The following CAPRIN2 variants were observed in gnomAD, a reference collection of about 807,000 sequenced individuals.
The protein encoded by CAPRIN2 is caprin-2.
CAPRIN2 carries 66 observed loss-of-function variants against 130.4 expected under a neutral mutation model. That is an observed-to-expected ratio of 0.51 (90% CI 0.42 to 0.62). The LOEUF is 0.62. Ranked by LOEUF, CAPRIN2 falls within the 20% of genes least tolerant of loss-of-function variation. The probability of loss-of-function intolerance (pLI) is 0.00; values close to 1 mark genes in which losing one functional copy is unlikely to be tolerated. For missense variants in CAPRIN2, 1,185 were observed against 1,246.6 expected, an observed-to-expected ratio of 0.95 and a Z score of 0.74; for synonymous variants, 471 against 444.1, an observed-to-expected ratio of 1.06 and a Z score of -0.76.
chr12:30,753,396 T>C (rs2074926672), exon 1 of CAPRIN2: 1 of 1,613,650 alleles, frequency 6.2e-7, no homozygotes, highest in African/African-American at 1.3e-5. Flanking sequence ...GAGTCCATTT[T>C]CAATATAGGT....
intron 12 of CAPRIN2, among the ~76,000 whole-genome samples, chr12:30,716,934 G>A (rs1397618382): frequency 6.6e-6 from 1 of 152,166 alleles, no homozygotes; most frequent in African/African-American, 2.4e-5. Flanking sequence ...CAAAAAGACA[G>A]AAAATAAGTG....
intron 6 of CAPRIN2, among the ~76,000 whole-genome samples, chr12:30,730,797 C>T (rs1312585346): frequency 6.6e-6 from 1 of 152,174 alleles, no homozygotes; most frequent in Non-Finnish European, 1.5e-5. Context: ...CAGAACCCTG[C>T]CTGGACTACC....
At chr12:30,714,835 A>C (rs947239577) in intron 14 of CAPRIN2, 124 bp downstream of exon 16, 4 of 665,782 alleles carry the variant, frequency 6.0e-6, no homozygotes, top group Non-Finnish European at 1.0e-5. Flanking sequence ...TATTATCCAC[A>C]AACAGGAAAT....
exon 4 of CAPRIN2, chr12:30,735,027 T>C: frequency 6.2e-7 from 1 of 1,614,174 alleles, no homozygotes; most frequent in Non-Finnish European, 8.5e-7. Flanking sequence ...GGTAGTCAAG[T>C]TCTTTTGAAG....
At chr12:30,711,317 A>T (rs1248873218) in intron 16 of CAPRIN2, among the ~76,000 whole-genome samples, 1 of 152,198 alleles carries the variant, frequency 6.6e-6, no homozygotes, top group Non-Finnish European at 1.5e-5. Context: ...ATAAAGTTAA[A>T]TATGCTCTAG....
At chr12:30,741,131 A>G (rs763015055) in intron 2 of CAPRIN2, 25 bp from the exon 4 acceptor site, 2 of 1,380,256 alleles carry the variant, frequency 1.4e-6, no homozygotes, top group East Asian at 2.3e-5. Flanking sequence ...AAGAAAACAT[A>G]AATTTTGTGA....
chr12:30,715,336 C>T, intron 13 of CAPRIN2, 195 bp from the exon 16 acceptor site: 1 of 649,732 alleles, frequency 1.5e-6, no homozygotes, highest in Non-Finnish European at 2.7e-6. Flanking sequence ...TATTATTCAG[C>T]CTAAAAAAGG....
At chr12:30,748,475 T>C (rs1224507215) in intron 2 of CAPRIN2, among the ~76,000 whole-genome samples, 3 of 152,244 alleles carry the variant, frequency 2.0e-5, no homozygotes, top group South Asian at 2.1e-4. Flanking sequence ...TACCTTCTTT[T>C]TGACACAGTG....
In CAPRIN2 at chr12:30,711,928, ATTT is replaced by A. The variant is rs559491957; in HGVS notation, c.2602-302_2602-300del. ...GATACAATGCTAGGTAATGAGAGAA[ATTT>A]TTAAATGTGGCATGGTCCTCTGTCC... On this transcript the variant is annotated intron_variant, in intron 15 of 16. Coordinates refer to ENST00000298892, the Ensembl canonical transcript of CAPRIN2. 9.6e-4 allele frequency: 476 copies of A among 497,550 alleles called. 5 individuals are homozygous for A. The highest frequency in any genetic ancestry group is 8.2e-3 in the South Asian group (470 of 57,648). The allele number at this position is 497,550 out of a possible 1,614,324, so 30.8% of individuals were successfully genotyped here.
chr12:30,720,757 C>G (rs1346294444), intron 12 of CAPRIN2, 54 bp downstream of exon 13: 1 of 999,946 alleles, frequency 1.0e-6, no homozygotes, highest in African/African-American at 1.6e-5. Context: ...ATAAGATAAA[C>G]TGGTTCTGCT....
In CAPRIN2 at chr12:30,711,810, T is replaced by A. The variant is rs1002526601; in HGVS notation, c.2602-181A>T. ...AAGAAAAACAAAGCAAGGGCAACAG[T>A]GGCATTACTTGCTTCACCTGTTAAT... On this transcript the variant is annotated intron_variant, in intron 15 of 16. Transcript: ENST00000298892. 9.1e-5 allele frequency: 63 copies of A among 695,030 alleles called. No individual in the cohort carries two copies. The East Asian group carries it at 1.7e-3, about 19-fold the overall frequency. 43.1% of individuals were successfully genotyped at this position (695,030 alleles called of 1,614,324 possible).
At chr12:30,732,049 T>G (rs10843823) in intron 5 of CAPRIN2, among the ~76,000 whole-genome samples, 43,677 of 151,816 alleles carry the variant, frequency 0.29, 6,474 homozygotes, top group Non-Finnish European at 0.33. Flanking sequence ...TCTATTAGAT[T>G]ACTAATATTA....
intron 2 of CAPRIN2, among the ~76,000 whole-genome samples, chr12:30,748,817 A>G (rs1467711934): frequency 6.6e-6 from 1 of 152,184 alleles, no homozygotes; most frequent in Non-Finnish European, 1.5e-5. Flanking sequence ...TCTATATGTA[A>G]TAAATATTTT....
At position 30,741,142 on chromosome 12, in the gene CAPRIN2, CTGTT is replaced by C. The variant is rs770772833; in HGVS notation, c.484-40_484-37del. ...GGATAAGAAAACATAAATTTTGTGA[CTGTT>C]TAAGTATAAATATGTGAAAATAATG... On this transcript the variant is annotated intron_variant, in intron 2 of 16. Transcript: ENST00000298892. 13 of 1,235,946 alleles carry C rather than the reference CTGTT, an allele frequency of 1.1e-5. No homozygotes were observed. The Admixed American group carries it at 1.1e-4, about 10-fold the overall frequency. 76.6% of individuals were successfully genotyped at this position (1,235,946 alleles called of 1,614,324 possible).
chr12:30,732,724 C>T (rs557724741), intron 5 of CAPRIN2, among the ~76,000 whole-genome samples: 52 of 152,132 alleles, frequency 3.4e-4, no homozygotes, highest in Admixed American at 3.0e-3. Flanking sequence ...ATCAATAGTT[C>T]CGTCCCTTTT....
chr12:30,716,726 G>T (rs957438201), intron 12 of CAPRIN2, 50 bp from the exon 15 acceptor site: 11 of 1,562,202 alleles, frequency 7.0e-6, no homozygotes, highest in Middle Eastern at 1.7e-4. Context: ...CAAAGAAAAT[G>T]CTTAAGGGTG....
Position 30,713,961 on chromosome 12 carries a change from C to T in CAPRIN2, c.2501-76G>A, listed in dbSNP as rs555452607. On this transcript the variant is annotated intron_variant, in intron 14 of 16. Transcript: ENST00000298892. ...TTTTAAACAGTCTAATTCTATATTG[C>T]TTTAAAAGTTAAATTGATTATATAA... 6.3e-5 allele frequency: 50 copies of T among 791,106 alleles called. No individual in the cohort carries two copies. The African/African-American group carries it at 7.7e-4, about 12-fold the overall frequency. The allele number at this position is 791,106 out of a possible 1,614,324, so 49.0% of individuals were successfully genotyped here. A position where few individuals can be genotyped will look rare whatever the true frequency, so the allele number is the denominator to read the frequency against.
chr12:30,747,949 T>C (rs190710071), intron 2 of CAPRIN2, among the ~76,000 whole-genome samples: 5 of 152,164 alleles, frequency 3.3e-5, no homozygotes, highest in Admixed American at 2.0e-4. Context: ...GTGGTGAAAA[T>C]AGCAAGAGAA....
exon 8 of CAPRIN2, chr12:30,729,034 T>G: frequency 1.2e-6 from 2 of 1,614,156 alleles, no homozygotes; most frequent in Non-Finnish European, 1.7e-6. Context: ...GGAGATGGCT[T>G]GGATTTGGAG....
Sources: allele counts gnomAD v4.1 joint callset (sites outside exome capture counted in the v4.1 genomes callset), GRCh38; gene constraint gnomAD v4.1.1; transcripts MANE v1.5; gene names NCBI Gene and HGNC (gene_info 2026-07-23, HGNC 2026-07-21).